Variants in NAV3 observed in about 807,000 individuals in gnomAD.
The protein encoded by NAV3 is pore membrane and/or filament interacting like protein 1.
NAV3 carries 87 observed loss-of-function variants against 244.7 expected under a neutral mutation model. The observed-to-expected ratio is 0.36, with a 90% confidence interval of 0.30 to 0.42. NAV3 has a LOEUF of 0.42. Among genes scored for constraint, NAV3 ranks in the 20% least tolerant of loss-of-function variants. The pLI, the probability that NAV3 is intolerant of heterozygous loss-of-function variation, is 1.00. For missense variants in NAV3, 2,663 were observed against 2,893.3 expected, an observed-to-expected ratio of 0.92 and a Z score of 1.83; for synonymous variants, 1,126 against 1,042.2, an observed-to-expected ratio of 1.08 and a Z score of -1.55.
At chr12:77,757,027 A>T (rs755859504) in intron 2 of NAV3, among the ~76,000 whole-genome samples, 4 of 152,182 alleles carry the variant, frequency 2.6e-5, no homozygotes, top group Non-Finnish European at 4.4e-5. Context: ...CTTGCTAGGT[A>T]TAACAGTAAC....
intron 1 of NAV3, among the ~76,000 whole-genome samples, chr12:77,874,385 AT>A (rs200438522): frequency 4.0e-5 from 6 of 151,526 alleles, no homozygotes; most frequent in African/African-American, 1.2e-4. Context: ...TCCTCAGCTA[AT>A]TTTTTTTAAA....
chr12:77,769,784 A>G (rs897020581), intron 2 of NAV3, among the ~76,000 whole-genome samples: 2 of 152,200 alleles, frequency 1.3e-5, no homozygotes, highest in South Asian at 4.1e-4. Context: ...ATTAGACAGT[A>G]CTTGAGCAGA....
At chr12:78,062,719 A>G (rs1402691430) in intron 12 of NAV3, among the ~76,000 whole-genome samples, 2 of 152,152 alleles carry the variant, frequency 1.3e-5, no homozygotes, top group Non-Finnish European at 2.9e-5. Flanking sequence ...AGAATCATGC[A>G]GCTAATAGTA....
At chr12:78,176,496 T>A in intron 26 of NAV3, 37 bp downstream of exon 26, 1 of 1,609,700 alleles carries the variant, frequency 6.2e-7, no homozygotes, top group East Asian at 2.2e-5. Context: ...CATGCATCTA[T>A]AAAAAAACCC....
intron 2 of NAV3, among the ~76,000 whole-genome samples, chr12:77,691,144 G>A (rs1169880858): frequency 6.7e-6 from 1 of 150,064 alleles, no homozygotes; most frequent in East Asian, 1.9e-4. Context: ...TTATAAGATG[G>A]GATGTTGTTT....
At chr12:77,895,309 T>TTGTGTGTGTGTGTGTGTGTGTGTG in intron 1 of NAV3, among the ~76,000 whole-genome samples, 1 of 148,572 alleles carries the variant, frequency 6.7e-6, no homozygotes, top group South Asian at 2.2e-4. Context: ...TTTAGAATGA[T>TTGTGTGTGTGTGTGTGTGTGTGTG]TGTGTGTGTG....
At chr12:77,790,520 C>T (rs915329364) in intron 2 of NAV3, among the ~76,000 whole-genome samples, 9 of 152,072 alleles carry the variant, frequency 5.9e-5, no homozygotes, top group African/African-American at 1.9e-4. Flanking sequence ...GATGATGATC[C>T]TTGTCCAGCT....
At chr12:78,142,714 T>C (rs531283521) in intron 20 of NAV3, among the ~76,000 whole-genome samples, 4 of 65,030 alleles carry the variant, frequency 6.2e-5, no homozygotes, top group South Asian at 3.7e-4. Context: ...TGTATATATA[T>C]ACATATATAT....
At chr12:78,114,536 CG>C (rs1390025816) in intron 12 of NAV3, among the ~76,000 whole-genome samples, 2 of 152,210 alleles carry the variant, frequency 1.3e-5, no homozygotes, top group East Asian at 3.9e-4. Context: ...ATGAGCAAAA[CG>C]GGGGAAAAAC....
At chr12:77,879,708 A>AAAAT (rs1882379107) in intron 1 of NAV3, among the ~76,000 whole-genome samples, 2 of 149,048 alleles carry the variant, frequency 1.3e-5, no homozygotes, top group Middle Eastern at 3.5e-3. Context: ...AAAAAAAAAA[A>AAAAT]GGAAATTATT....
At chr12:77,786,665 T>C (rs1365789166) in intron 2 of NAV3, among the ~76,000 whole-genome samples, 2 of 152,178 alleles carry the variant, frequency 1.3e-5, no homozygotes, top group East Asian at 3.9e-4. Flanking sequence ...AAATTGATGT[T>C]GAGAGTGAGA....
At chr12:78,204,901 T>TTA (rs1445572760) in intron 38 of NAV3, 34 bp from the exon 39 acceptor site, 6 of 1,596,340 alleles carry the variant, frequency 3.8e-6, no homozygotes, top group Middle Eastern at 3.3e-4. Context: ...GAAATGCATT[T>TTA]TATATATATC....
intron 4 of NAV3, among the ~76,000 whole-genome samples, chr12:77,966,750 A>G (rs1892556851): frequency 6.6e-6 from 1 of 152,106 alleles, no homozygotes; most frequent in African/African-American, 2.4e-5. Flanking sequence ...AGTTTAAGTC[A>G]CTATGAAGTC....
chr12:78,181,908 C>T (rs868463266), intron 30 of NAV3, among the ~76,000 whole-genome samples: 2 of 151,906 alleles, frequency 1.3e-5, no homozygotes, highest in African/African-American at 4.8e-5. Flanking sequence ...TCCAATGAAT[C>T]ACATCTCTTC....
chr12:77,659,956 T>A (rs1276621000), intron 2 of NAV3, among the ~76,000 whole-genome samples: 1 of 124,710 alleles, frequency 8.0e-6, no homozygotes, highest in Non-Finnish European at 1.7e-5. Context: ...CTGGGGACTG[T>A]TGTGGGGTAG....
At chr12:77,969,746 G>A (rs1184846129) in intron 5 of NAV3, among the ~76,000 whole-genome samples, 2 of 152,158 alleles carry the variant, frequency 1.3e-5, no homozygotes, top group Non-Finnish European at 2.9e-5. Flanking sequence ...TCTGGAGGCT[G>A]AGGCAGAGAA....
intron 39 of NAV3, 149 bp from the exon 40 acceptor site, chr12:78,210,248 CA>C (rs1323905046): frequency 3.3e-6 from 4 of 1,211,692 alleles, no homozygotes; most frequent in Non-Finnish European, 3.4e-6. Flanking sequence ...GCATAGGAGC[CA>C]GGGGCAACGA....
At chr12:78,119,085 G>C in intron 14 of NAV3, 152 bp from the exon 15 acceptor site, 1 of 823,402 alleles carries the variant, frequency 1.2e-6, no homozygotes, top group Non-Finnish European at 1.9e-6. Context: ...TATGCACTCA[G>C]TCCTCTCAAT....
chr12:77,681,241 G>A (rs181546370), intron 2 of NAV3, among the ~76,000 whole-genome samples: 8 of 152,288 alleles, frequency 5.3e-5, no homozygotes, highest in Admixed American at 3.3e-4. Context: ...TAAAAGTCAT[G>A]TTAAGAACAT....
Sources: allele counts gnomAD v4.1 joint callset (sites outside exome capture counted in the v4.1 genomes callset), GRCh38; gene constraint gnomAD v4.1.1; transcripts MANE v1.5; gene names NCBI Gene and HGNC (gene_info 2026-07-23, HGNC 2026-07-21).